LEPR: variants seen among roughly 807,000 people sequenced by gnomAD.
LEPR encodes the protein leptin receptor.
Under a neutral mutation model 114.7 loss-of-function variants are expected in LEPR, and 56 were observed. The observed-to-expected ratio is 0.49, with a 90% CI of 0.39 to 0.61. The LOEUF (loss-of-function observed/expected upper bound fraction) is 0.61, where lower values mean the gene tolerates loss of function less well. Among genes scored for constraint, LEPR ranks in the 20% least tolerant of loss-of-function variants. LEPR has a pLI of 0.00. For synonymous variants in LEPR, 443 were observed against 461.4 expected (o/e 0.96, Z 0.51); for missense variants, 1,202 against 1,352.9 (o/e 0.89, Z 1.75).
intron 5 of LEPR, 147 bp downstream of exon 5, chr1:65,572,596 G>T: frequency 1.1e-6 from 1 of 901,864 alleles, no homozygotes; most frequent in Non-Finnish European, 1.6e-6. Context: ...GCTCTGTTAG[G>T]TTTCCTCTTT....
intron 2 of LEPR, among the ~76,000 whole-genome samples, chr1:65,511,777 C>T (rs1243298603): frequency 6.6e-6 from 1 of 152,148 alleles, no homozygotes; most frequent in Non-Finnish European, 1.5e-5. Context: ...AGAAAACTAT[C>T]ACAACAGCTG....
At chr1:65,550,345 G>C (rs981838606) in intron 2 of LEPR, among the ~76,000 whole-genome samples, 1 of 152,200 alleles carries the variant, frequency 6.6e-6, no homozygotes, top group Non-Finnish European at 1.5e-5. Flanking sequence ...TCTCTTCAAC[G>C]CTGTCAGACA....
At position 65,452,675 on chromosome 1, in the gene LEPR, G is replaced by T. The variant is rs1430957919; in HGVS notation, c.-21+27297G>T. On this transcript the variant is annotated intron_variant, in intron 2 of 19. Transcript: ENST00000349533. ...GCTTTTTGATGTGCTGCTGGATTCGGTTTGCCAGTATTTTATTGAGGATTT... is the reference window on the plus strand; with the variant it reads ...GCTTTTTGATGTGCTGCTGGATTCGTTTTGCCAGTATTTTATTGAGGATTT... 1.6e-4 allele frequency among the ~76,000 whole-genome samples: 24 copies of T among 151,208 alleles called. 1 individual carries two copies. The East Asian group carries it at 4.3e-3, about 27-fold the overall frequency.
chr1:65,615,339 A>G (rs1287777901), intron 14 of LEPR, among the ~76,000 whole-genome samples: 3 of 152,214 alleles, frequency 2.0e-5, no homozygotes, highest in Non-Finnish European at 4.4e-5. Context: ...TCTGTGGAAT[A>G]TAAGAATAGA....
At chr1:65,592,343 G>GAA (rs141940216) in intron 5 of LEPR, among the ~76,000 whole-genome samples, 3 of 139,158 alleles carry the variant, frequency 2.2e-5, no homozygotes, top group Admixed American at 7.2e-5. Context: ...TGGTATGTCT[G>GAA]AAAAAAAAAG....
chr1:65,458,510 T>G (rs1486995337), intron 2 of LEPR, among the ~76,000 whole-genome samples: 2 of 152,208 alleles, frequency 1.3e-5, no homozygotes, highest in African/African-American at 4.8e-5. Context: ...CTTGTTTGAG[T>G]CGTTTTTGAA....
intron 2 of LEPR, among the ~76,000 whole-genome samples, chr1:65,533,968 C>G (rs2100632609): frequency 6.6e-6 from 1 of 152,068 alleles, no homozygotes; most frequent in Non-Finnish European, 1.5e-5. Flanking sequence ...TCTCTGTATC[C>G]TATATCATTT....
At chr1:65,502,489 A>G (rs1430973033) in intron 2 of LEPR, among the ~76,000 whole-genome samples, 1 of 151,934 alleles carries the variant, frequency 6.6e-6, no homozygotes, top group Non-Finnish European at 1.5e-5. Context: ...TTACTGATTT[A>G]GTGACTAGTG....
At chr1:65,460,546 A>C (rs542311855) in intron 2 of LEPR, among the ~76,000 whole-genome samples, 25 of 152,302 alleles carry the variant, frequency 1.6e-4, no homozygotes, top group African/African-American at 5.3e-4. Context: ...TCTTTCAAAG[A>C]AAGAATTATT....
In LEPR at chr1:65,641,115, TA is replaced by T. The variant is rs892127966; in HGVS notation, c.*4103del. 1 of 152,280 alleles carries T rather than the reference TA, an allele frequency of 6.6e-6. No individual in the cohort carries two copies. The highest frequency in any genetic ancestry group is 6.5e-5 in the Admixed American group (1 of 15,288). The allele number at this position is 152,280 out of a possible 1,614,324, so 9.4% of individuals were successfully genotyped here. A position where few individuals can be genotyped will look rare whatever the true frequency, so the allele number is the denominator to read the frequency against. ...TTATAGTGAATGAATTATTTTTCTA[TA>T]AAGTTTATCAATATTTATTTTGGAA... On this transcript the variant is annotated 3_prime_UTR_variant, in exon 20 of 20. Coordinates refer to ENST00000349533, the MANE Select transcript of LEPR (RefSeq NM_002303.6).
In LEPR at chr1:65,450,420, TC is replaced by T. The variant is rs1366546020; in HGVS notation, c.-21+25048del. Among the ~76,000 whole-genome samples the T allele has an allele frequency of 5.9e-5, 7 of 119,610 alleles. No homozygotes were observed. The South Asian group carries it at 1.6e-3, about 27-fold the overall frequency. The allele number at this position is 119,610 out of a possible 152,430, so 78.5% of individuals were successfully genotyped here. ...TAGGTATATCTCCCAATGCTATCCC[TC>T]CCCCCTCCCACCACCCCACAACAGT... On this transcript the variant is annotated intron_variant, in intron 2 of 19. Coordinates refer to ENST00000349533, the MANE Select transcript of LEPR (RefSeq NM_002303.6).
chr1:65,627,612 A>G (rs1251926617), intron 19 of LEPR, among the ~76,000 whole-genome samples: 2 of 152,168 alleles, frequency 1.3e-5, no homozygotes, highest in Non-Finnish European at 2.9e-5. Flanking sequence ...CTAGGTATGT[A>G]CTCAATAGAA....
intron 2 of LEPR, among the ~76,000 whole-genome samples, chr1:65,505,970 T>C (rs1207978946): frequency 6.6e-6 from 1 of 152,230 alleles, no homozygotes; most frequent in Admixed American, 6.5e-5. Flanking sequence ...AAAAATGTTC[T>C]TTGTTTTGTG....
chr1:65,525,537 C>A, intron 2 of LEPR: 1 of 772,280 alleles, frequency 1.3e-6, no homozygotes, highest in Non-Finnish European at 1.6e-6. Flanking sequence ...CGAGTCCGCT[C>A]CTCCCGCTCA....
At chr1:65,500,669 T>A (rs553028314) in intron 2 of LEPR, among the ~76,000 whole-genome samples, 2 of 152,194 alleles carry the variant, frequency 1.3e-5, no homozygotes, top group African/African-American at 4.8e-5. Flanking sequence ...ATATAATACA[T>A]GTAGCATACA....
At chr1:65,431,868 G>A (rs1570436051) in intron 2 of LEPR, 3 of 1,614,024 alleles carry the variant, frequency 1.9e-6, no homozygotes, top group Non-Finnish European at 2.5e-6. Flanking sequence ...CAATTCAAGG[G>A]TTTTTCCTTA....
chr1:65,601,983 T>A (rs1360289330), intron 10 of LEPR, 23 bp downstream of exon 10: 1 of 1,589,060 alleles, frequency 6.3e-7, no homozygotes, highest in Non-Finnish European at 8.6e-7. Context: ...TTTGCTGTTT[T>A]GTTTTTCTGT....
At chr1:65,422,924 A>G (rs1646281333) in intron 1 of LEPR, among the ~76,000 whole-genome samples, 1 of 152,010 alleles carries the variant, frequency 6.6e-6, no homozygotes, top group Non-Finnish European at 1.5e-5. Flanking sequence ...TAGAGGATGG[A>G]TTGGAAGAGT....
rs374830585 is a variant in LEPR, at chr1:65,455,634, T to C, written c.-21+30256T>C. Among the ~76,000 whole-genome samples the C allele has an allele frequency of 9.4e-4, 140 of 149,678 alleles. 1 individual carries two copies. In the South Asian group the frequency reaches 0.012, roughly 13 times the overall value. ...GGGACCCACTTGAGGAGGCAGTCTG[T>C]CCGTTCTCAGATCTCCAGCTGCGTG... On this transcript the variant is annotated intron_variant, in intron 2 of 19. Coordinates refer to ENST00000349533, the MANE Select transcript of LEPR (RefSeq NM_002303.6).
Sources: allele counts gnomAD v4.1 joint callset (sites outside exome capture counted in the v4.1 genomes callset), GRCh38; gene constraint gnomAD v4.1.1; transcripts MANE v1.5; gene names NCBI Gene and HGNC (gene_info 2026-07-23, HGNC 2026-07-21).